Variants in CSMD1 observed in about 807,000 individuals in gnomAD.
The protein encoded by CSMD1 is CUB and Sushi multiple domains 1.
In CSMD1, 213 loss-of-function variants were observed where a neutral mutation model predicts 417.5. That is an observed-to-expected ratio of 0.51 (90% CI 0.46 to 0.57). The LOEUF is 0.57. Among genes scored for constraint, CSMD1 ranks in the 20% least tolerant of loss-of-function variants. The pLI is 0.00. For synonymous variants in CSMD1, 2,862 were observed against 1,736.8 expected (o/e 1.65, Z -16.11); for missense variants, 6,923 against 4,529.7 (o/e 1.53, Z -15.17).
chr8:4,954,976 T>C (rs376390324), intron 1 of CSMD1, among the ~76,000 whole-genome samples: 23 of 152,308 alleles, frequency 1.5e-4, no homozygotes, highest in African/African-American at 5.3e-4. Context: ...AATGTTCCTG[T>C]CTAATTTTTC....
At position 4,133,887 on chromosome 8, in the gene CSMD1, G is replaced by A. The variant is rs1039445071; in HGVS notation, c.416-101788C>T. On this transcript the variant is annotated intron_variant, in intron 3 of 69. Coordinates refer to ENST00000635120, the MANE Select transcript of CSMD1 (RefSeq NM_033225.6). ...TATAAAGACAGGAAATTTTTTATAA[G>A]AAATCTTGTAAACATAGTTATCCAG... 2.0e-5 allele frequency among the ~76,000 whole-genome samples: 3 copies of A among 152,060 alleles called. No homozygotes were observed. In the South Asian group the frequency reaches 6.2e-4, roughly 32 times the overall value.
intron 5 of CSMD1, among the ~76,000 whole-genome samples, chr8:3,835,716 T>A (rs1374082652): frequency 3.1e-5 from 2 of 63,844 alleles, no homozygotes; most frequent in African/African-American, 7.6e-5. Flanking sequence ...TATAATAAAA[T>A]TAACAAAAAA....
intron 2 of CSMD1, among the ~76,000 whole-genome samples, chr8:4,570,827 A>G (rs1350510590): frequency 6.6e-6 from 1 of 152,106 alleles, no homozygotes; most frequent in African/African-American, 2.4e-5. Context: ...GGAACTTGTT[A>G]TTGGTCTATT....
intron 41 of CSMD1, among the ~76,000 whole-genome samples, chr8:3,141,311 C>G (rs1245025814): frequency 6.6e-6 from 1 of 152,170 alleles, no homozygotes; most frequent in African/African-American, 2.4e-5. Flanking sequence ...CAGACCTAAC[C>G]AACTCCATCT....
At chr8:4,339,397 A>C (rs1375662038) in intron 3 of CSMD1, among the ~76,000 whole-genome samples, 1 of 152,092 alleles carries the variant, frequency 6.6e-6, no homozygotes, top group Non-Finnish European at 1.5e-5. Context: ...GCCCTGTGCT[A>C]ATCTCAGTCC....
chr8:3,784,222 A>AT (rs1212448747), intron 5 of CSMD1, among the ~76,000 whole-genome samples: 3 of 152,202 alleles, frequency 2.0e-5, no homozygotes, highest in Non-Finnish European at 4.4e-5. Flanking sequence ...ATAACAAATT[A>AT]TTTTTTAAAA....
In CSMD1 at chr8:4,250,308, T is replaced by C. The variant is rs375051140; in HGVS notation, c.415+169645A>G. The stretch of plus-strand genomic sequence containing the variant: ...GCCCAGCTCAGCTTAGGAGTCCTGG[T>C]GGAATTTTCCATAGCTGTGCAAGCT... On this transcript the variant is annotated intron_variant, in intron 3 of 69. Transcript: ENST00000635120. Among the ~76,000 whole-genome samples the C allele has an allele frequency of 4.6e-5, 7 of 152,140 alleles. No individual in the cohort carries two copies. In the East Asian group the frequency reaches 1.2e-3, roughly 25 times the overall value.
intron 7 of CSMD1, among the ~76,000 whole-genome samples, chr8:3,680,384 T>C (rs968850965): frequency 6.6e-6 from 1 of 152,096 alleles, no homozygotes. Flanking sequence ...AAATACAAAC[T>C]ACCATCAGAG....
intron 3 of CSMD1, among the ~76,000 whole-genome samples, chr8:4,070,500 GGC>G (rs1563083289): frequency 6.6e-6 from 1 of 152,110 alleles, no homozygotes; most frequent in Non-Finnish European, 1.5e-5. Context: ...TGGGACTACA[GGC>G]GCCCGCCACC....
At chr8:4,320,362 T>A (rs960426261) in intron 3 of CSMD1, among the ~76,000 whole-genome samples, 5 of 151,638 alleles carry the variant, frequency 3.3e-5, no homozygotes, top group Admixed American at 6.6e-5. Context: ...ATAAACCTTT[T>A]TTATTATTAT....
In CSMD1 at chr8:3,108,660, G is replaced by A; in HGVS notation, c.6697C>T (p.Leu2233=). The change falls in exon 44 of 70, where the codon CTG becomes TTG. Residue 2233 remains leucine, a synonymous_variant. Transcript: ENST00000635120. ...GAAAAGTCGCTGTGGAACTTGAGCA[G>A]GACTTGGTTGGTGGAGCTATACGCC... The part of the protein sequence containing the change: ...ETAYSSTNQV[L]LKFHSDFSNG... The A allele has an allele frequency of 6.2e-7, 1 of 1,613,768 alleles. No individual in the cohort carries two copies. Among genetic ancestry groups the A allele is most frequent in the Non-Finnish European group, 8.5e-7 (1 of 1,179,830 alleles).
chr8:4,359,537 C>T (rs1801629172), intron 3 of CSMD1, among the ~76,000 whole-genome samples: 1 of 152,200 alleles, frequency 6.6e-6, no homozygotes. Context: ...ATGTCTCCTT[C>T]CAATCCTCTT....
intron 2 of CSMD1, among the ~76,000 whole-genome samples, chr8:4,546,936 T>G (rs560069467): frequency 1.3e-5 from 2 of 152,290 alleles, no homozygotes; most frequent in South Asian, 2.1e-4. Flanking sequence ...GATTCTCCTC[T>G]GCCCCTACAG....
At chr8:3,599,793 C>T (rs1801274885) in intron 8 of CSMD1, among the ~76,000 whole-genome samples, 1 of 152,328 alleles carries the variant, frequency 6.6e-6, no homozygotes, top group South Asian at 2.1e-4. Context: ...GCAACTCCCA[C>T]TTCTTTCCTC....
chr8:3,417,300 G>A (rs774292070), intron 12 of CSMD1, among the ~76,000 whole-genome samples: 12 of 152,288 alleles, frequency 7.9e-5, no homozygotes, highest in Non-Finnish European at 1.3e-4. Context: ...ACACTCTGCT[G>A]TAGCTGTTCA....
At chr8:3,470,298 T>A (rs996646613) in intron 11 of CSMD1, among the ~76,000 whole-genome samples, 2 of 152,218 alleles carry the variant, frequency 1.3e-5, no homozygotes, top group Non-Finnish European at 2.9e-5. Flanking sequence ...ACATAGAATT[T>A]ATAGTGTATA....
At chr8:3,126,073 G>A (rs1020555685) in intron 41 of CSMD1, among the ~76,000 whole-genome samples, 2 of 152,172 alleles carry the variant, frequency 1.3e-5, no homozygotes, top group African/African-American at 4.8e-5. Context: ...TGCAAAATAG[G>A]TGAGGCACCC....
chr8:4,212,921 C>T (rs1177582139), intron 3 of CSMD1, among the ~76,000 whole-genome samples: 1 of 152,096 alleles, frequency 6.6e-6, no homozygotes, highest in Non-Finnish European at 1.5e-5. Flanking sequence ...CACTTCTTCT[C>T]ATTCCCAACT....
At chr8:4,133,602 T>C (rs1803241332) in intron 3 of CSMD1, among the ~76,000 whole-genome samples, 1 of 152,200 alleles carries the variant, frequency 6.6e-6, no homozygotes, top group Admixed American at 6.5e-5. Context: ...TAAACACATC[T>C]TTCATGCTAA....
Sources: allele counts gnomAD v4.1 joint callset (sites outside exome capture counted in the v4.1 genomes callset), GRCh38; gene constraint gnomAD v4.1.1; transcripts MANE v1.5; gene names NCBI Gene and HGNC (gene_info 2026-07-23, HGNC 2026-07-21).